ZDHHC8: variants seen among roughly 807,000 people sequenced by gnomAD.
ZDHHC8 encodes zDHHC palmitoyltransferase 8.
Under a neutral mutation model 61.2 loss-of-function variants are expected in ZDHHC8, and 24 were observed. The ratio of observed to expected loss-of-function variants is 0.39; its 90% CI spans 0.28 to 0.55. ZDHHC8 has a LOEUF of 0.55. ZDHHC8 is among the 20% of genes least tolerant of loss of function. The probability of loss-of-function intolerance (pLI) is 0.60; values close to 1 mark genes in which losing one functional copy is unlikely to be tolerated. For missense variants in ZDHHC8, 935 were observed against 1,102.1 expected (o/e 0.85, Z 2.15); for synonymous variants, 523 against 492.5 (o/e 1.06, Z -0.82).
rs544728334 is a variant in ZDHHC8 at position 20,138,332 on chromosome 22, G to A, written c.105-862G>A. Among the ~76,000 whole-genome samples the A allele has an allele frequency of 3.9e-5, 6 of 152,388 alleles. 1 individual carries two copies. The East Asian group carries it at 1.2e-3, about 29-fold the overall frequency. ...CGCAGGGGAGAGACAAGGAGCCTGAGGCCAGAGGGGCTTCTTGGAAGCTGA... is the reference window on the plus strand; with the variant it reads ...CGCAGGGGAGAGACAAGGAGCCTGAAGCCAGAGGGGCTTCTTGGAAGCTGA... On this transcript the variant is annotated intron_variant, in intron 1 of 10. Transcript: ENST00000334554.
At position 20,143,218 on chromosome 22, in the gene ZDHHC8, G is replaced by T. The variant is rs753196078; in HGVS notation, c.1588G>T (p.Gly530Cys). The change falls in exon 10 of 11, where the codon GGC becomes TGC. Residue 530 changes from glycine (G) to cysteine (C), a missense_variant. By Grantham distance (159) the Gly-to-Cys change is radical (BLOSUM62 -3). Around this residue, in one of 3 missense-constraint regions of ZDHHC8, gnomAD observed 692 missense variants for 731.4 expected, o/e 0.95. Transcript: ENST00000334554. ...PLPRSFSPVLGPRPREPSPVR... is the reference protein window; with the variant it reads ...PLPRSFSPVLCPRPREPSPVR... Reference sequence around the variant, plus strand: ...ACCCCGCAGCTTCAGCCCCGTGCTGGGCCCCCGCCCCCGGGAGCCCTCGCC... The same window carrying T: ...ACCCCGCAGCTTCAGCCCCGTGCTGTGCCCCCGCCCCCGGGAGCCCTCGCC... The T allele has an allele frequency of 6.2e-7, 1 of 1,608,080 alleles. No individual in the cohort carries two copies. Among genetic ancestry groups the T allele is most frequent in the Non-Finnish European group, 8.5e-7 (1 of 1,179,464 alleles).
chr22:20,147,195 T>A lies in ZDHHC8; in HGVS notation c.*1795T>A, dbSNP rs1397481062. ...GGGCCATGTGCCGCCTGCACTTGGC[T>A]GCCTCCAGTCTTTTCCCCAGCCTCT... is the stretch of plus-strand genomic sequence containing the variant. On this transcript the variant is annotated 3_prime_UTR_variant, in exon 11 of 11. Transcript: ENST00000334554. The A allele has an allele frequency of 3.3e-6, 5 of 1,511,030 alleles. No individual in the cohort carries two copies. Among genetic ancestry groups the A allele is most frequent in the African/African-American group, 1.4e-5 (1 of 70,706 alleles). The allele number at this position is 1,511,030 out of a possible 1,614,324, so 93.6% of individuals were successfully genotyped here.
At chr22:20,136,246 GGT>G (rs1184535753) in intron 1 of ZDHHC8, among the ~76,000 whole-genome samples, 1 of 152,234 alleles carries the variant, frequency 6.6e-6, no homozygotes, top group Non-Finnish European at 1.5e-5. Context: ...AGGCGAGCCT[GGT>G]GTGCACCATC....
intron 1 of ZDHHC8, among the ~76,000 whole-genome samples, chr22:20,137,725 G>A (rs953216511): frequency 2.6e-5 from 4 of 152,234 alleles, no homozygotes; most frequent in East Asian, 3.9e-4. Context: ...TTGTTGGGCC[G>A]ACCCTGCCTT....
chr22:20,138,459 C>T (rs2050439945), intron 1 of ZDHHC8, among the ~76,000 whole-genome samples: 2 of 152,202 alleles, frequency 1.3e-5, no homozygotes, highest in African/African-American at 2.4e-5. Flanking sequence ...GAGGAAGGCG[C>T]CTTTCAGGAA....
At chr22:20,139,136 C>T (rs994689712) in intron 1 of ZDHHC8, 58 bp from the exon 2 acceptor site, 25 of 1,576,104 alleles carry the variant, frequency 1.6e-5, no homozygotes, top group African/African-American at 5.4e-5. Flanking sequence ...CATAGCTCTG[C>T]GCCTGCATCC....
chr22:20,141,200 AC>A lies in ZDHHC8; in HGVS notation c.895-13del. 1 of 1,606,010 alleles carries A rather than the reference AC, an allele frequency of 6.2e-7. No individual in the cohort carries two copies. Among genetic ancestry groups the A allele is most frequent in the Non-Finnish European group, 8.5e-7 (1 of 1,176,972 alleles). ...CTCATCCAAGCCCCACACACCACTG[AC>A]CCCGCTCCCTCCCAGTCCAAGGGCA... On this transcript the variant is annotated splice_polypyrimidine_tract_variant and intron_variant, in intron 7 of 10. Coordinates refer to ENST00000334554, the MANE Select transcript of ZDHHC8 (RefSeq NM_013373.4).
Position 20,140,256 on chromosome 22 carries a change from G to A in ZDHHC8, c.660+39G>A, listed in dbSNP as rs766815498. The A allele has an allele frequency of 8.8e-6, 14 of 1,582,964 alleles. No individual in the cohort carries two copies. The South Asian group carries it at 1.1e-4, about 13-fold the overall frequency. ...GGGGGATGGGTGGCCCCAAAGGGCCGAGAGAGTTGGGGCTGCATGGGGACA... is the reference window on the plus strand; with the variant it reads ...GGGGGATGGGTGGCCCCAAAGGGCCAAGAGAGTTGGGGCTGCATGGGGACA... On this transcript the variant is annotated intron_variant, in intron 5 of 10. Coordinates refer to ENST00000334554, the MANE Select transcript of ZDHHC8 (RefSeq NM_013373.4).
intron 1 of ZDHHC8, among the ~76,000 whole-genome samples, chr22:20,137,560 C>T (rs936825326): frequency 2.0e-5 from 3 of 152,250 alleles, no homozygotes; most frequent in African/African-American, 7.2e-5. Context: ...TAATGCTCCG[C>T]TGTCAACATC....
At chr22:20,144,252 G>A (rs2050502085) in intron 10 of ZDHHC8, among the ~76,000 whole-genome samples, 1 of 152,132 alleles carries the variant, frequency 6.6e-6, no homozygotes, top group South Asian at 2.1e-4. Flanking sequence ...CCTCCCTGTA[G>A]GACATAGTTC....
intron 1 of ZDHHC8, among the ~76,000 whole-genome samples, chr22:20,133,839 G>A (rs999672152): frequency 1.3e-5 from 2 of 152,126 alleles, no homozygotes; most frequent in Non-Finnish European, 2.9e-5. Context: ...CTCCTTGGAG[G>A]GCTCCTCTGT....
rs771488739 is a variant in ZDHHC8 at position 20,142,810 on chromosome 22, T to C, written c.1180T>C (p.Phe394Leu). The change falls in exon 10 of 11, where the codon TTT (phenylalanine) becomes CTT (leucine). Residue 394 changes from phenylalanine (F) to leucine (L), a missense_variant. This residue lies in a region of ZDHHC8 where 692 missense variants were observed against 731.4 expected (regional missense o/e 0.95). Coordinates refer to ENST00000334554, the MANE Select transcript of ZDHHC8 (RefSeq NM_013373.4). ...GGACGACAGCATCCGTAGCCTGGAC[T>C]TTGTGTCCGAGCCGAGCCTGGACCT... ...LGDDSIRSLD[F>L]VSEPSLDLPD... 6 of 1,612,722 alleles carry C rather than the reference T, an allele frequency of 3.7e-6. No individual in the cohort carries two copies. In the South Asian group the frequency reaches 6.6e-5, roughly 18 times the overall value.
chr22:20,145,982 G>A lies in ZDHHC8; in HGVS notation c.*582G>A. 1.0e-6 allele frequency: 1 copy of A among 985,870 alleles called. No individual in the cohort carries two copies. Among genetic ancestry groups the A allele is most frequent in the East Asian group, 1.1e-4 (1 of 8,814 alleles). The allele number at this position is 985,870 out of a possible 1,614,324, so 61.1% of individuals were successfully genotyped here. A position where few individuals can be genotyped will look rare whatever the true frequency, so the allele number is the denominator to read the frequency against. ...CTGGGTGGTGGTGGATAGGTGGACA[G>A]ACGGCCAGCCAGCCAGCTGTGGCCG... On this transcript the variant is annotated 3_prime_UTR_variant, in exon 11 of 11. Coordinates refer to ENST00000334554, the MANE Select transcript of ZDHHC8 (RefSeq NM_013373.4).
intron 1 of ZDHHC8, 90 bp from the exon 2 acceptor site, chr22:20,139,104 G>T (rs1168333429): frequency 1.3e-6 from 2 of 1,516,930 alleles, no homozygotes; most frequent in Admixed American, 4.2e-5. Flanking sequence ...GGGTGACCTT[G>T]CAGGCCCAGC....
At position 20,146,461 on chromosome 22, in the gene ZDHHC8, A is replaced by T. The variant is rs1421707512; in HGVS notation, c.*1061A>T. 4 of 985,738 alleles carry T rather than the reference A, an allele frequency of 4.1e-6. No homozygotes were observed. Among genetic ancestry groups the T allele is most frequent in the Non-Finnish European group, 3.6e-6 (3 of 830,202 alleles). 61.1% of individuals were successfully genotyped at this position (985,738 alleles called of 1,614,324 possible). ...AAAAAAAAGAAAAAGAGTTATTTTG[A>T]TTCTTTCCTTGGGCAAGGCCAGGGC... is the stretch of plus-strand genomic sequence containing the variant. On this transcript the variant is annotated 3_prime_UTR_variant, in exon 11 of 11. Coordinates refer to ENST00000334554, the MANE Select transcript of ZDHHC8 (RefSeq NM_013373.4).
chr22:20,143,719 G>A lies in ZDHHC8; in HGVS notation c.2089G>A (p.Asp697Asn). 1 of 1,610,178 alleles carries A rather than the reference G, an allele frequency of 6.2e-7. No individual in the cohort carries two copies. Among genetic ancestry groups the A allele is most frequent in the Non-Finnish European group, 8.5e-7 (1 of 1,179,628 alleles). ...CAAAGCTGTCGCCTTCATCCACACG[G>A]ACCTCCCAGAGCCACCGCCCTCGCT... ...GPKAVAFIHT[D>N]LPEPPPSLTV... is the part of the protein sequence containing the mutation. Residue 697 changes from aspartate to asparagine, a missense_variant, in exon 10 of 11, where the codon GAC becomes AAC. This residue lies in a region of ZDHHC8 where 692 missense variants were observed against 731.4 expected (regional missense o/e 0.95). Coordinates refer to ENST00000334554, the MANE Select transcript of ZDHHC8 (RefSeq NM_013373.4).
rs374104926 is a variant in ZDHHC8 at position 20,141,482 on chromosome 22, G to C, written c.1077G>C (p.Pro359=). 1.9e-6 allele frequency: 3 copies of C among 1,613,172 alleles called. No homozygotes were observed. In the African/African-American group the frequency reaches 4.0e-5, roughly 22 times the overall value. The change falls in exon 9 of 11, where the codon CCG becomes CCC. Residue 359 remains proline (P), a synonymous_variant. Coordinates refer to ENST00000334554, the MANE Select transcript of ZDHHC8 (RefSeq NM_013373.4). ...PPTPAMYKFR[P]AFPTGPKVPF... Reference sequence around the variant, plus strand: ...CACCTGCCATGTACAAGTTTAGGCCGGCTTTCCCCACGGGTCCCAAGGTGC... The same window carrying C: ...CACCTGCCATGTACAAGTTTAGGCCCGCTTTCCCCACGGGTCCCAAGGTGC...
chr22:20,146,588 A>C lies in ZDHHC8; in HGVS notation c.*1188A>C. 1 of 996,008 alleles carries C rather than the reference A, an allele frequency of 1.0e-6. No individual in the cohort carries two copies. Among genetic ancestry groups the C allele is most frequent in the Non-Finnish European group, 1.2e-6 (1 of 837,464 alleles). 61.7% of individuals were successfully genotyped at this position (996,008 alleles called of 1,614,324 possible). A position where few individuals can be genotyped will look rare whatever the true frequency, so the allele number is the denominator to read the frequency against. The stretch of plus-strand genomic sequence containing the variant: ...AGGGGTCGGTGGGTTCCTCAGGGGC[A>C]TTTCTGCCGACTTGGGCTGAGTCAG... On this transcript the variant is annotated 3_prime_UTR_variant, in exon 11 of 11. Transcript: ENST00000334554.
chr22:20,141,199 G>C lies in ZDHHC8; in HGVS notation c.895-18G>C, dbSNP rs767285597. On this transcript the variant is annotated intron_variant, in intron 7 of 10. Transcript: ENST00000334554. ...CCTCATCCAAGCCCCACACACCACTGACCCCGCTCCCTCCCAGTCCAAGGG... is the reference window on the plus strand; with the variant it reads ...CCTCATCCAAGCCCCACACACCACTCACCCCGCTCCCTCCCAGTCCAAGGG... The C allele has an allele frequency of 1.2e-6, 2 of 1,606,222 alleles. No homozygotes were observed.
Sources: gnomAD v4.1 joint callset for allele counts (sites outside exome capture counted in the v4.1 genomes callset) on GRCh38, gnomAD v4.1.1 for gene constraint, gnomAD v4.1.1 regional missense constraint, MANE v1.5 for transcripts, NCBI Gene and HGNC (gene_info 2026-07-23, HGNC 2026-07-21) for gene names.